DDR2: variants seen among roughly 807,000 people sequenced by gnomAD.
DDR2 encodes the protein discoidin domain receptor tyrosine kinase 2.
Under a neutral mutation model 94.9 loss-of-function variants are expected in DDR2, and 27 were observed. The observed-to-expected ratio is 0.28, with a 90% CI of 0.21 to 0.39. The LOEUF (loss-of-function observed/expected upper bound fraction) is 0.39, where lower values mean the gene tolerates loss of function less well. Among genes scored for constraint, DDR2 ranks in the 10% least tolerant of loss-of-function variants. The probability of loss-of-function intolerance (pLI) is 1.00; values close to 1 mark genes in which losing one functional copy is unlikely to be tolerated. For missense variants in DDR2, 783 were observed against 1,076.0 expected (o/e 0.73, Z 3.81); for synonymous variants, 382 against 377.2 (o/e 1.01, Z -0.15).
In DDR2 at chr1:162,708,533, ACT is replaced by A. The variant is rs148312885; in HGVS notation, c.-27-10500_-27-10499del. ...ACTGGAAGGTTCTTGAGGTATGAGCACTCTCACTCACGGTATTGATCAAGCAG... is the reference window on the plus strand; with the variant it reads ...ACTGGAAGGTTCTTGAGGTATGAGCACTCACTCACGGTATTGATCAAGCAG... On this transcript the variant is annotated intron_variant, in intron 2 of 17. Coordinates refer to ENST00000367921, the MANE Select transcript of DDR2 (RefSeq NM_006182.4). Among the ~76,000 whole-genome samples the A allele has an allele frequency of 1.7e-3, 262 of 152,090 alleles. 5 individuals carry two copies. The East Asian group carries it at 0.035, about 21-fold the overall frequency.
chr1:162,735,346 A>G (rs1004488679), intron 3 of DDR2, among the ~76,000 whole-genome samples: 2 of 152,170 alleles, frequency 1.3e-5, no homozygotes, highest in African/African-American at 4.8e-5. Context: ...TTTACATGAA[A>G]TGAAGCCTCA....
intron 9 of DDR2, among the ~76,000 whole-genome samples, chr1:162,764,342 T>A (rs1443322261): frequency 6.6e-6 from 1 of 151,334 alleles, no homozygotes; most frequent in Non-Finnish European, 1.5e-5. Flanking sequence ...GTTTAGAACA[T>A]TGTTCATACC....
intron 14 of DDR2, 58 bp downstream of exon 14, chr1:162,773,654 A>C (rs1393172678): frequency 6.2e-7 from 1 of 1,606,902 alleles, no homozygotes; most frequent in African/African-American, 1.3e-5. Context: ...GACCAGGAAT[A>C]CTCCTGGATA....
rs545892407 is a variant in DDR2, at chr1:162,734,451, C to T, written c.82+15306C>T. On this transcript the variant is annotated intron_variant, in intron 3 of 17. Coordinates refer to ENST00000367921, the MANE Select transcript of DDR2 (RefSeq NM_006182.4). ...ATAGATATGATCCTTGCCCTCATAA[C>T]ACATGCTGTTTAGTGGGCAGACCAA... Among the ~76,000 whole-genome samples the T allele has an allele frequency of 7.9e-5, 12 of 152,358 alleles. 1 individual carries two copies. In the East Asian group the frequency reaches 2.3e-3, roughly 29 times the overall value.
At chr1:162,711,122 T>C (rs1344759929) in intron 2 of DDR2, among the ~76,000 whole-genome samples, 1 of 152,204 alleles carries the variant, frequency 6.6e-6, no homozygotes, top group Non-Finnish European at 1.5e-5. Flanking sequence ...ATCAGACATG[T>C]CTTGCTTTTT....
intron 2 of DDR2, among the ~76,000 whole-genome samples, chr1:162,670,899 G>C (rs1658801963): frequency 1.3e-5 from 2 of 152,206 alleles, no homozygotes; most frequent in Non-Finnish European, 2.9e-5. Context: ...CAAGTGGTGG[G>C]AGGCCCGAGG....
At chr1:162,657,927 T>A (rs1658087096) in intron 2 of DDR2, among the ~76,000 whole-genome samples, 1 of 152,088 alleles carries the variant, frequency 6.6e-6, no homozygotes, top group African/African-American at 2.4e-5. Flanking sequence ...TCTTGTTTTG[T>A]TTTCTCTTTC....
chr1:162,637,072 G>A (rs1386265895), intron 1 of DDR2, among the ~76,000 whole-genome samples: 4 of 152,028 alleles, frequency 2.6e-5, no homozygotes, highest in African/African-American at 9.6e-5. Context: ...TTGTTTTGCT[G>A]TATTTATTTA....
chr1:162,702,588 T>A (rs1177404658), intron 2 of DDR2, among the ~76,000 whole-genome samples: 1 of 152,246 alleles, frequency 6.6e-6, no homozygotes, highest in African/African-American at 2.4e-5. Flanking sequence ...ACATGCAGTT[T>A]AAATGTCACC....
At chr1:162,696,719 C>T (rs1660210605) in intron 2 of DDR2, among the ~76,000 whole-genome samples, 1 of 152,164 alleles carries the variant, frequency 6.6e-6, no homozygotes, top group African/African-American at 2.4e-5. Context: ...TTTCCTCCCT[C>T]CTCTCCACCC....
chr1:162,760,002 G>A, intron 8 of DDR2, 23 bp downstream of exon 8: 1 of 1,614,018 alleles, frequency 6.2e-7, no homozygotes. Context: ...GGGTGTGGTG[G>A]AACTTCTTTA....
chr1:162,732,674 A>G (rs536262056), intron 3 of DDR2, among the ~76,000 whole-genome samples: 35 of 152,354 alleles, frequency 2.3e-4, no homozygotes, highest in African/African-American at 8.2e-4. Flanking sequence ...CCCCTCAGTC[A>G]GTCTTGTCTG....
At chr1:162,742,305 A>C (rs1662653303) in intron 3 of DDR2, among the ~76,000 whole-genome samples, 1 of 152,178 alleles carries the variant, frequency 6.6e-6, no homozygotes, top group African/African-American at 2.4e-5. Flanking sequence ...TCAATTTATA[A>C]GAAAAGAGGC....
At chr1:162,767,405 T>C in intron 11 of DDR2, 46 bp downstream of exon 11, 1 of 1,609,182 alleles carries the variant, frequency 6.2e-7, no homozygotes, top group Non-Finnish European at 8.5e-7. Flanking sequence ...TGCTCCTTTC[T>C]TTCTTAAGCC....
intron 3 of DDR2, among the ~76,000 whole-genome samples, chr1:162,751,221 A>T (rs927383575): frequency 1.3e-5 from 2 of 152,156 alleles, no homozygotes; most frequent in African/African-American, 4.8e-5. Flanking sequence ...CCTACAGAAT[A>T]GGAGAAAATT....
chr1:162,637,971 A>C (rs4657214), intron 1 of DDR2, among the ~76,000 whole-genome samples: 145,380 of 152,310 alleles, frequency 0.95, 69,784 homozygotes, highest in East Asian at 1. Flanking sequence ...AAAGCCATTA[A>C]CAAGAGCCCC....
intron 1 of DDR2, among the ~76,000 whole-genome samples, chr1:162,652,350 T>C (rs1657739696): frequency 6.6e-6 from 1 of 152,198 alleles, no homozygotes; most frequent in Non-Finnish European, 1.5e-5. Flanking sequence ...GCAGGGACTG[T>C]TGGTGCCCAT....
In DDR2 at chr1:162,778,603, T is replaced by C. The variant is rs972473695; in HGVS notation, c.2307T>C (p.Asp769=). The change falls in exon 17 of 18, where the codon GAT becomes GAC. Residue 769 remains aspartate, a synonymous_variant. Coordinates refer to ENST00000367921, the MANE Select transcript of DDR2 (RefSeq NM_006182.4). ...ILLGKFTTAS[D]VWAFGVTLWE... ...AGGGCAAGTTCACTACAGCAAGTGA[T>C]GTGTGGGCCTTTGGGGTTACTTTGT... The C allele has an allele frequency of 2.5e-6, 4 of 1,614,056 alleles. No individual in the cohort carries two copies. Among genetic ancestry groups the C allele is most frequent in the African/African-American group, 1.3e-5 (1 of 75,038 alleles).
intron 2 of DDR2, among the ~76,000 whole-genome samples, chr1:162,684,999 C>A (rs1339058474): frequency 6.6e-6 from 1 of 152,110 alleles, no homozygotes; most frequent in Non-Finnish European, 1.5e-5. Flanking sequence ...TTTTCCCTCT[C>A]GGGCTAGTGA....
Sources: gnomAD v4.1 joint callset for allele counts (sites outside exome capture counted in the v4.1 genomes callset) on GRCh38, gnomAD v4.1.1 for gene constraint, MANE v1.5 for transcripts, NCBI Gene and HGNC (gene_info 2026-07-23, HGNC 2026-07-21) for gene names.